Variants in TMEM200A observed in about 807,000 individuals in gnomAD.
The protein encoded by TMEM200A is transmembrane protein 200A.
In TMEM200A, 12 loss-of-function variants were observed where a neutral mutation model predicts 24.3. The observed-to-expected ratio is 0.49, with a 90% CI of 0.32 to 0.80. The LOEUF (loss-of-function observed/expected upper bound fraction) is 0.80. Among genes scored for constraint, TMEM200A ranks in the 30% least tolerant of loss-of-function variants. TMEM200A has a pLI of 0.04. For synonymous variants in TMEM200A, 224 were observed against 224.4 expected (o/e 1.00, Z 0.02); for missense variants, 545 against 614.4 (o/e 0.89, Z 1.19).
At chr6:130,408,359 C>A (rs1310860599) in intron 2 of TMEM200A, among the ~76,000 whole-genome samples, 4 of 152,186 alleles carry the variant, frequency 2.6e-5, no homozygotes, top group Non-Finnish European at 4.4e-5. Flanking sequence ...TCTTCCCAGA[C>A]CCTCTGAGTA....
intron 1 of TMEM200A, among the ~76,000 whole-genome samples, chr6:130,371,413 A>G (rs1778318901): frequency 6.6e-6 from 1 of 152,214 alleles, no homozygotes. Context: ...CTGGAATTCA[A>G]ACCCTGGCAG....
intron 1 of TMEM200A, among the ~76,000 whole-genome samples, chr6:130,382,623 G>A (rs1342867300): frequency 6.6e-6 from 1 of 152,126 alleles, no homozygotes; most frequent in East Asian, 1.9e-4. Context: ...TAGTAGAAGT[G>A]GACTTAATCT....
At chr6:130,367,537 AG>A (rs1385883966) in intron 1 of TMEM200A, among the ~76,000 whole-genome samples, 1 of 152,236 alleles carries the variant, frequency 6.6e-6, no homozygotes, top group East Asian at 1.9e-4. Flanking sequence ...ACTTATAAAA[AG>A]ACCTTCAATT....
intron 2 of TMEM200A, among the ~76,000 whole-genome samples, chr6:130,387,100 C>A (rs770785512): frequency 6.6e-6 from 1 of 152,082 alleles, no homozygotes; most frequent in Non-Finnish European, 1.5e-5. Context: ...CATTTTGTGA[C>A]AATATGTGTT....
At position 130,378,519 on chromosome 6, in the gene TMEM200A, C is replaced by T. The variant is rs187550185; in HGVS notation, c.-80-6654C>T. The stretch of plus-strand genomic sequence containing the variant: ...TGGGCTGATCACGAGGTCAGGAGAT[C>T]GAGACCATCCTGGCTAACATCGTGA... On this transcript the variant is annotated intron_variant, in intron 1 of 2. Transcript: ENST00000296978. Among the ~76,000 whole-genome samples the T allele has an allele frequency of 1.3e-3, 190 of 151,600 alleles. 1 individual carries two copies. Among genetic ancestry groups the T allele is most frequent in the African/African-American group, 4.3e-3 (178 of 41,350 alleles).
chr6:130,380,668 G>C (rs1778574828), intron 1 of TMEM200A, among the ~76,000 whole-genome samples: 1 of 152,126 alleles, frequency 6.6e-6, no homozygotes, highest in Non-Finnish European at 1.5e-5. Context: ...TTCCTACAGT[G>C]AAATACATAG....
At chr6:130,406,710 C>T (rs1779216971) in intron 2 of TMEM200A, among the ~76,000 whole-genome samples, 1 of 152,176 alleles carries the variant, frequency 6.6e-6, no homozygotes, top group African/African-American at 2.4e-5. Flanking sequence ...ACTTTGTCAG[C>T]CTTGTCAGAA....
chr6:130,393,560 G>C (rs896847038), intron 2 of TMEM200A, among the ~76,000 whole-genome samples: 2 of 152,128 alleles, frequency 1.3e-5, no homozygotes, highest in Non-Finnish European at 2.9e-5. Context: ...ATGTTCATGG[G>C]GTCCGAATGG....
intron 2 of TMEM200A, among the ~76,000 whole-genome samples, chr6:130,402,692 A>G (rs1020493125): frequency 6.6e-6 from 1 of 152,168 alleles, no homozygotes; most frequent in African/African-American, 2.4e-5. Flanking sequence ...TAAACAACTC[A>G]TAACAAACTC....
At chr6:130,427,451 A>ATTTGT (rs1779771421) in intron 2 of TMEM200A, among the ~76,000 whole-genome samples, 1 of 152,132 alleles carries the variant, frequency 6.6e-6, no homozygotes, top group African/African-American at 2.4e-5. Flanking sequence ...GTTGCTGAGC[A>ATTTGT]TTTGTTTCCA....
At chr6:130,427,712 CA>C (rs1476464752) in intron 2 of TMEM200A, among the ~76,000 whole-genome samples, 2 of 151,612 alleles carry the variant, frequency 1.3e-5, no homozygotes, top group Non-Finnish European at 2.9e-5. Flanking sequence ...TGGTCATAAT[CA>C]ATCTTTTTGT....
intron 2 of TMEM200A, among the ~76,000 whole-genome samples, chr6:130,419,507 T>C (rs1452394142): frequency 6.6e-6 from 1 of 152,310 alleles, no homozygotes; most frequent in East Asian, 1.9e-4. Context: ...CTGTTTCGCA[T>C]AGTGGATGTA....
intron 2 of TMEM200A, among the ~76,000 whole-genome samples, chr6:130,395,689 G>A (rs1021783650): frequency 6.6e-6 from 1 of 152,156 alleles, no homozygotes; most frequent in Admixed American, 6.5e-5. Context: ...AGGTCAGATG[G>A]AGAAGGTTTT....
intron 2 of TMEM200A, among the ~76,000 whole-genome samples, chr6:130,401,177 C>A (rs1306575840): frequency 6.6e-6 from 1 of 151,992 alleles, no homozygotes; most frequent in Non-Finnish European, 1.5e-5. Context: ...CTCAGAGTGC[C>A]ACCTCACTGT....
Position 130,389,029 on chromosome 6 carries a change from G to T in TMEM200A, c.-17+3793G>T, listed in dbSNP as rs531613258. ...ACATATAATATGAAAGTAGCACTAC[G>T]GTCTAGCTCTATTATCTTTAGATAA... On this transcript the variant is annotated intron_variant, in intron 2 of 2. Transcript: ENST00000296978. Among the ~76,000 whole-genome samples the T allele has an allele frequency of 2.0e-5, 3 of 152,100 alleles. No individual in the cohort carries two copies. In the East Asian group the frequency reaches 5.8e-4, roughly 29 times the overall value.
At chr6:130,372,866 A>G (rs920384680) in intron 1 of TMEM200A, among the ~76,000 whole-genome samples, 2 of 152,240 alleles carry the variant, frequency 1.3e-5, no homozygotes, top group Non-Finnish European at 2.9e-5. Flanking sequence ...TAAAACAACC[A>G]TGTGTAAAAC....
chr6:130,415,731 C>T (rs954290209), intron 2 of TMEM200A, among the ~76,000 whole-genome samples: 5 of 152,190 alleles, frequency 3.3e-5, no homozygotes, highest in South Asian at 2.1e-4. Flanking sequence ...TCTGAGGTTG[C>T]GCCCAAACCT....
At chr6:130,368,929 A>G (rs1259125918) in intron 1 of TMEM200A, among the ~76,000 whole-genome samples, 1 of 152,172 alleles carries the variant, frequency 6.6e-6, no homozygotes, top group East Asian at 1.9e-4. Flanking sequence ...TGGACTGACG[A>G]TCTTTATGGT....
At chr6:130,420,023 T>A (rs1779545428) in intron 2 of TMEM200A, among the ~76,000 whole-genome samples, 1 of 152,080 alleles carries the variant, frequency 6.6e-6, no homozygotes, top group African/African-American at 2.4e-5. Context: ...ATAAGGACAT[T>A]AATCCTCTCC....
Sources: allele counts gnomAD v4.1 joint callset (sites outside exome capture counted in the v4.1 genomes callset), GRCh38; gene constraint gnomAD v4.1.1; transcripts MANE v1.5; gene names NCBI Gene and HGNC (gene_info 2026-07-23, HGNC 2026-07-21).